The following SGCZ variants were observed in gnomAD, a reference collection of about 807,000 sequenced individuals.
SGCZ encodes sarcoglycan zeta, also known as zeta-sarcoglycan.
In SGCZ, 40 loss-of-function variants were observed where a neutral mutation model predicts 41.3. That is an observed-to-expected ratio of 0.97 (90% CI 0.75 to 1.26). SGCZ has a LOEUF of 1.26. SGCZ is among the 50% of genes most tolerant of loss of function. The pLI, the probability that SGCZ is intolerant of heterozygous loss-of-function variation, is 0.00. For missense variants in SGCZ, 552 were observed against 369.8 expected (o/e 1.49, Z -4.04); for synonymous variants, 206 against 137.5 (o/e 1.50, Z -3.49).
rs183478498 is a variant in SGCZ, at chr8:14,182,338, G to C, written c.425-17636C>G. Among the ~76,000 whole-genome samples, 392 of 152,282 alleles carry C rather than the reference G, an allele frequency of 2.6e-3. 7 individuals are homozygous for C. The highest frequency in any genetic ancestry group is 2.1e-3 in the East Asian group (11 of 5,154). ...TCCCTGAGAATCCATACATCCTGGA[G>C]AGCATCTGAGAACCAACCAGGAAAT... On this transcript the variant is annotated intron_variant, in intron 4 of 7. Transcript: ENST00000382080.
intron 6 of SGCZ, among the ~76,000 whole-genome samples, chr8:14,104,155 A>C (rs1467155675): frequency 1.3e-5 from 2 of 152,194 alleles, no homozygotes; most frequent in Non-Finnish European, 1.5e-5. Flanking sequence ...ACCCAAGTTT[A>C]TTGGTACTAC....
chr8:14,315,761 T>C (rs1001914353), intron 3 of SGCZ, among the ~76,000 whole-genome samples: 5 of 150,804 alleles, frequency 3.3e-5, no homozygotes, highest in African/African-American at 4.9e-5. Context: ...AATAAGTACA[T>C]ATAAAAAAGA....
intron 3 of SGCZ, among the ~76,000 whole-genome samples, chr8:14,250,956 G>A (rs1347502008): frequency 6.6e-6 from 1 of 152,140 alleles, no homozygotes; most frequent in African/African-American, 2.4e-5. Flanking sequence ...GGCTAGGCAT[G>A]GTGGCTCATG....
intron 1 of SGCZ, among the ~76,000 whole-genome samples, chr8:15,164,531 G>C (rs559270799): frequency 6.6e-5 from 10 of 151,932 alleles, no homozygotes; most frequent in African/African-American, 2.4e-4. Flanking sequence ...ATTAATCTCC[G>C]TGGTGGAAGA....
At chr8:14,800,227 A>T (rs531201336) in intron 1 of SGCZ, among the ~76,000 whole-genome samples, 1 of 152,290 alleles carries the variant, frequency 6.6e-6, no homozygotes, top group East Asian at 1.9e-4. Context: ...ACATGTGTTT[A>T]GGAAAAATCA....
In SGCZ at chr8:15,221,880, T is replaced by C. The variant is rs552369238; in HGVS notation, c.39+15705A>G. On this transcript the variant is annotated intron_variant, in intron 1 of 7. Transcript: ENST00000382080. ...TTGCTCAGTACTTCAAAAAATACCA[T>C]GTCACCATGTGGAACACTCTGCAGG... 4.7e-4 allele frequency among the ~76,000 whole-genome samples: 71 copies of C among 152,288 alleles called. 1 individual carries two copies. The highest frequency in any genetic ancestry group is 3.4e-3 in the Middle Eastern group (1 of 294).
At chr8:14,217,045 T>G (rs1806018268) in intron 4 of SGCZ, among the ~76,000 whole-genome samples, 1 of 152,256 alleles carries the variant, frequency 6.6e-6, no homozygotes, top group Middle Eastern at 3.4e-3. Flanking sequence ...CCCAGCACTT[T>G]GGGAGGCCGA....
chr8:15,079,507 G>A (rs1231098621), intron 1 of SGCZ, among the ~76,000 whole-genome samples: 1 of 152,154 alleles, frequency 6.6e-6, no homozygotes, highest in Admixed American at 6.5e-5. Flanking sequence ...GTACGCTTAA[G>A]CAAATAAGTT....
intron 1 of SGCZ, among the ~76,000 whole-genome samples, chr8:14,783,828 A>T (rs1800665632): frequency 6.6e-6 from 1 of 152,150 alleles, no homozygotes; most frequent in African/African-American, 2.4e-5. Flanking sequence ...TTATTCAAAA[A>T]TCATTTATGT....
At chr8:15,081,257 C>T (rs1471338846) in intron 1 of SGCZ, among the ~76,000 whole-genome samples, 1 of 152,126 alleles carries the variant, frequency 6.6e-6, no homozygotes, top group Admixed American at 6.5e-5. Flanking sequence ...TTTTGTATTT[C>T]CGCATTTACA....
intron 5 of SGCZ, among the ~76,000 whole-genome samples, chr8:14,154,323 C>T (rs773405183): frequency 3.9e-5 from 6 of 152,094 alleles, no homozygotes; most frequent in East Asian, 1.9e-4. Flanking sequence ...GAGCCGAGAT[C>T]GTGCCACTGC....
intron 2 of SGCZ, among the ~76,000 whole-genome samples, chr8:14,541,898 T>C (rs530536898): frequency 3.7e-4 from 57 of 152,314 alleles, no homozygotes; most frequent in African/African-American, 1.3e-3. Flanking sequence ...TGAGCTTTTT[T>C]CCATATGTTT....
At chr8:14,841,009 A>G (rs1802887603) in intron 1 of SGCZ, among the ~76,000 whole-genome samples, 1 of 152,158 alleles carries the variant, frequency 6.6e-6, no homozygotes. Context: ...TCCTACAAAT[A>G]AAGAAATTTT....
At chr8:14,470,659 C>T (rs566447445) in intron 2 of SGCZ, among the ~76,000 whole-genome samples, 7 of 152,126 alleles carry the variant, frequency 4.6e-5, no homozygotes, top group South Asian at 2.1e-4. Flanking sequence ...AACTATATGA[C>T]GGTTGGAGAT....
chr8:14,103,197 G>A (rs895235796), intron 6 of SGCZ, among the ~76,000 whole-genome samples: 1 of 152,144 alleles, frequency 6.6e-6, no homozygotes, highest in African/African-American at 2.4e-5. Flanking sequence ...TAAATTAGGA[G>A]GGCAAGAAAC....
At chr8:14,706,207 T>C (rs1366966891) in intron 1 of SGCZ, among the ~76,000 whole-genome samples, 1 of 151,920 alleles carries the variant, frequency 6.6e-6, no homozygotes, top group Non-Finnish European at 1.5e-5. Context: ...GAGTTTTGAA[T>C]TAAAAAAAAT....
At chr8:14,732,252 A>C (rs1011881276) in intron 1 of SGCZ, among the ~76,000 whole-genome samples, 9 of 152,130 alleles carry the variant, frequency 5.9e-5, no homozygotes, top group Non-Finnish European at 1.2e-4. Context: ...CCCTGCCTGC[A>C]GCTCTTATCT....
At chr8:15,005,127 A>T (rs1351817521) in intron 1 of SGCZ, among the ~76,000 whole-genome samples, 1 of 152,090 alleles carries the variant, frequency 6.6e-6, no homozygotes, top group Admixed American at 6.5e-5. Context: ...CTAGTAAGTT[A>T]CTCATGGGGA....
intron 1 of SGCZ, among the ~76,000 whole-genome samples, chr8:14,565,312 A>T (rs73667313): frequency 1.3e-5 from 2 of 150,394 alleles, no homozygotes; most frequent in South Asian, 4.2e-4. Flanking sequence ...AAATGCAATG[A>T]CTTTTTTTTT....
Sources: allele counts gnomAD v4.1 joint callset (sites outside exome capture counted in the v4.1 genomes callset), GRCh38; gene constraint gnomAD v4.1.1; transcripts MANE v1.5; gene names NCBI Gene and HGNC (gene_info 2026-07-23, HGNC 2026-07-21).